Variants in SLC4A4 observed in about 807,000 individuals in gnomAD.
SLC4A4 encodes solute carrier family 4 member 4, also known as electrogenic sodium bicarbonate cotransporter 1.
A neutral mutation model predicts 111.5 loss-of-function variants in SLC4A4; 27 were observed. That is an observed-to-expected ratio of 0.24 (90% CI 0.18 to 0.33). The LOEUF is 0.33. Ranked by LOEUF, SLC4A4 falls within the 10% of genes least tolerant of loss-of-function variation. The pLI is 1.00. For missense variants in SLC4A4, 909 were observed against 1,315.5 expected (o/e 0.69, Z 4.78); for synonymous variants, 443 against 463.4 (o/e 0.96, Z 0.57).
chr4:71,173,137 A>G (rs1187155574), intron 2 of SLC4A4, among the ~76,000 whole-genome samples: 1 of 152,256 alleles, frequency 6.6e-6, no homozygotes, highest in Non-Finnish European at 1.5e-5. Context: ...AGAAAACACC[A>G]TTGAAACTCT....
chr4:71,530,410 G>A (rs1049287958), intron 16 of SLC4A4, among the ~76,000 whole-genome samples: 1 of 152,024 alleles, frequency 6.6e-6, no homozygotes, highest in African/African-American at 2.4e-5. Context: ...GCTAAGAAAG[G>A]GTAGGTATTT....
intron 7 of SLC4A4, among the ~76,000 whole-genome samples, chr4:71,411,620 G>A (rs1425648366): frequency 2.0e-5 from 3 of 152,092 alleles, no homozygotes; most frequent in African/African-American, 4.8e-5. Flanking sequence ...CAAGGTTACA[G>A]TTTTAAAAAG....
intron 1 of SLC4A4, among the ~76,000 whole-genome samples, chr4:71,082,450 G>A (rs1742020062): frequency 6.6e-6 from 1 of 151,924 alleles, no homozygotes; most frequent in Admixed American, 6.6e-5. Flanking sequence ...TGCTAGAACA[G>A]CCACCAAATT....
chr4:71,153,011 A>G (rs575556291), intron 2 of SLC4A4, among the ~76,000 whole-genome samples: 134 of 138,580 alleles, frequency 9.7e-4, no homozygotes, highest in Non-Finnish European at 1.5e-3. Flanking sequence ...ATATATGTGT[A>G]TATATATAAA....
intron 2 of SLC4A4, among the ~76,000 whole-genome samples, chr4:71,172,117 T>A (rs946806119): frequency 1.3e-5 from 2 of 152,184 alleles, no homozygotes; most frequent in Non-Finnish European, 2.9e-5. Flanking sequence ...GGGGTTACTT[T>A]CCTTGGATCA....
chr4:71,426,292 C>T (rs1326017631), intron 7 of SLC4A4, among the ~76,000 whole-genome samples: 1 of 152,012 alleles, frequency 6.6e-6, no homozygotes, highest in Non-Finnish European at 1.5e-5. Context: ...CTTTGGAATG[C>T]CCTTGGCCAA....
chr4:71,424,803 G>A (rs1304378573), intron 7 of SLC4A4, among the ~76,000 whole-genome samples: 1 of 151,936 alleles, frequency 6.6e-6, no homozygotes, highest in Non-Finnish European at 1.5e-5. Context: ...AGAACACGTG[G>A]ACACAGGAAG....
intron 3 of SLC4A4, among the ~76,000 whole-genome samples, chr4:71,336,052 T>A (rs1728412683): frequency 6.6e-6 from 1 of 152,230 alleles, no homozygotes; most frequent in Non-Finnish European, 1.5e-5. Flanking sequence ...GAGATCTTTT[T>A]GTCAGAGGCT....
At chr4:71,467,464 A>C (rs991634596) in intron 13 of SLC4A4, among the ~76,000 whole-genome samples, 6 of 152,080 alleles carry the variant, frequency 3.9e-5, no homozygotes, top group African/African-American at 1.4e-4. Flanking sequence ...TTTAATTCTT[A>C]CAGCAATCCT....
chr4:71,402,217 A>C (rs906845821), intron 7 of SLC4A4, among the ~76,000 whole-genome samples: 3 of 152,208 alleles, frequency 2.0e-5, no homozygotes, highest in Non-Finnish European at 4.4e-5. Context: ...TAACTATCTT[A>C]AAATGAAATC....
intron 1 of SLC4A4, among the ~76,000 whole-genome samples, chr4:71,222,768 A>G (rs1052466963): frequency 2.0e-5 from 3 of 152,210 alleles, no homozygotes. Context: ...AGTTTATGAG[A>G]TAAAAGTTGT....
chr4:71,107,415 C>T (rs1375662067), intron 2 of SLC4A4, among the ~76,000 whole-genome samples: 4 of 151,900 alleles, frequency 2.6e-5, no homozygotes, highest in African/African-American at 7.3e-5. Context: ...GGTGCCCTCT[C>T]GGCTCATTGC....
At chr4:71,109,892 T>C (rs1743042115) in intron 2 of SLC4A4, among the ~76,000 whole-genome samples, 1 of 152,194 alleles carries the variant, frequency 6.6e-6, no homozygotes, top group South Asian at 2.1e-4. Context: ...TTTAAAAATC[T>C]AGCCTTGCTC....
intron 3 of SLC4A4, among the ~76,000 whole-genome samples, chr4:71,322,755 G>A (rs980373118): frequency 6.6e-6 from 1 of 151,966 alleles, no homozygotes; most frequent in African/African-American, 2.4e-5. Flanking sequence ...ACATGCACAA[G>A]AAACTTTCAG....
In SLC4A4 at chr4:71,563,788, C is replaced by G. The variant is rs1472214744; in HGVS notation, c.3100-5C>G. 1 of 1,581,968 alleles carries G rather than the reference C, an allele frequency of 6.3e-7. No individual in the cohort carries two copies. On this transcript the variant is annotated splice_region_variant and splice_polypyrimidine_tract_variant and intron_variant, in intron 23 of 25. Coordinates refer to ENST00000264485, the MANE Select transcript of SLC4A4 (RefSeq NM_001098484.3). ...TCTAAAACCTCTTGTACATTTTTTT[C>G]ACAGTCTGACTGCCCATACTCAGAA...
chr4:71,227,975 C>T (rs796584935), intron 1 of SLC4A4, among the ~76,000 whole-genome samples: 3 of 152,248 alleles, frequency 2.0e-5, no homozygotes, highest in African/African-American at 7.2e-5. Flanking sequence ...AAGCAGCACA[C>T]GGTCTTTGTG....
At chr4:71,500,867 A>G (rs981111770) in intron 16 of SLC4A4, among the ~76,000 whole-genome samples, 4 of 152,138 alleles carry the variant, frequency 2.6e-5, no homozygotes, top group Admixed American at 6.6e-5. Context: ...TTTGATTACT[A>G]TAGTTTTGTA....
intron 1 of SLC4A4, among the ~76,000 whole-genome samples, chr4:71,226,403 A>G (rs1719051683): frequency 6.6e-6 from 1 of 152,194 alleles, no homozygotes; most frequent in Non-Finnish European, 1.5e-5. Context: ...TTAGAATCAA[A>G]TATGTGGCAG....
intron 2 of SLC4A4, among the ~76,000 whole-genome samples, chr4:71,143,109 ATG>A (rs1560741787): frequency 4.6e-5 from 7 of 150,986 alleles, no homozygotes; most frequent in Non-Finnish European, 7.4e-5. Flanking sequence ...TCCCCCCACC[ATG>A]CAACCATCCC....
Sources: allele counts gnomAD v4.1 joint callset (sites outside exome capture counted in the v4.1 genomes callset), GRCh38; gene constraint gnomAD v4.1.1; transcripts MANE v1.5; gene names NCBI Gene and HGNC (gene_info 2026-07-23, HGNC 2026-07-21).